The following CNOT2 variants were observed in gnomAD, a reference collection of about 807,000 sequenced individuals.
The protein encoded by CNOT2 is CC chemokine receptor 4-negative regulator of transcription 2.
Under a neutral mutation model 72.1 loss-of-function variants are expected in CNOT2, and 7 were observed. That is an observed-to-expected ratio of 0.10 (90% CI 0.06 to 0.18). The LOEUF (loss-of-function observed/expected upper bound fraction) is 0.18, where lower values mean the gene tolerates loss of function less well. Among genes scored for constraint, CNOT2 ranks in the 10% least tolerant of loss-of-function variants. The pLI, the probability that CNOT2 is intolerant of heterozygous loss-of-function variation, is 1.00. For missense variants in CNOT2, 345 were observed against 660.3 expected (o/e 0.52, Z 5.23); for synonymous variants, 196 against 225.6 (o/e 0.87, Z 1.17).
intron 3 of CNOT2, among the ~76,000 whole-genome samples, chr12:70,312,877 T>TA (rs1472496990): frequency 6.6e-6 from 1 of 151,988 alleles, no homozygotes; most frequent in East Asian, 1.9e-4. Context: ...TTTTTAAAAA[T>TA]ACACTTGAAG....
intron 4 of CNOT2, among the ~76,000 whole-genome samples, chr12:70,324,582 G>T (rs1157298329): frequency 7.2e-6 from 1 of 139,734 alleles, no homozygotes; most frequent in Non-Finnish European, 1.6e-5. Flanking sequence ...TTAGGTTGAG[G>T]AAGTGTAGAG....
chr12:70,317,381 C>A (rs941099936), intron 3 of CNOT2, among the ~76,000 whole-genome samples: 7 of 151,936 alleles, frequency 4.6e-5, no homozygotes, highest in Middle Eastern at 3.2e-3. Context: ...ATTATATATT[C>A]TTGTTCTTGC....
At chr12:70,331,436 T>C (rs1051805964) in intron 6 of CNOT2, 4 of 151,924 alleles carry the variant, frequency 2.6e-5, no homozygotes, top group Admixed American at 2.0e-4. Context: ...ATCATAACTT[T>C]ATCATATCTT....
At chr12:70,312,634 A>T (rs903770890) in intron 3 of CNOT2, among the ~76,000 whole-genome samples, 11 of 151,884 alleles carry the variant, frequency 7.2e-5, no homozygotes, top group African/African-American at 2.2e-4. Context: ...AACCTTTTTT[A>T]AAAAAACATT....
intron 3 of CNOT2, among the ~76,000 whole-genome samples, chr12:70,317,176 A>G (rs1255445699): frequency 6.6e-6 from 1 of 152,130 alleles, no homozygotes; most frequent in Non-Finnish European, 1.5e-5. Flanking sequence ...AGATTTTAAG[A>G]TATCAAGCAT....
chr12:70,352,254 T>TA (rs1565843018), intron 15 of CNOT2, among the ~76,000 whole-genome samples: 5 of 64 alleles, frequency 0.078, no homozygotes, highest in African/African-American at 0.23. Flanking sequence ...TGCCGCTTAC[T>TA]GATGACTTGT....
At chr12:70,262,207 G>A (rs543423359) in intron 1 of CNOT2, among the ~76,000 whole-genome samples, 42 of 150,848 alleles carry the variant, frequency 2.8e-4, no homozygotes, top group Non-Finnish European at 4.4e-4. Context: ...CACTTATATC[G>A]GCTCTCATCT....
At chr12:70,331,214 C>T (rs960420173) in intron 6 of CNOT2, 2 of 151,876 alleles carry the variant, frequency 1.3e-5, no homozygotes, top group Non-Finnish European at 2.9e-5. Context: ...TTGTTATCAT[C>T]ATACCTGTTT....
intron 1 of CNOT2, among the ~76,000 whole-genome samples, chr12:70,275,677 TC>T (rs1159929106): frequency 6.6e-6 from 1 of 152,096 alleles, no homozygotes; most frequent in African/African-American, 2.4e-5. Flanking sequence ...ATTTGTCTTT[TC>T]TGAATTCTTG....
intron 2 of CNOT2, among the ~76,000 whole-genome samples, chr12:70,281,304 C>T (rs777696909): frequency 1.3e-5 from 2 of 152,012 alleles, no homozygotes; most frequent in Non-Finnish European, 2.9e-5. Flanking sequence ...AGGCTGGCCT[C>T]GAACTCCTGA....
In CNOT2 at chr12:70,265,493, A is replaced by AT. The variant is rs1364664258; in HGVS notation, c.-95-12635dup. 2.0e-5 allele frequency among the ~76,000 whole-genome samples: 3 copies of AT among 151,440 alleles called. No individual in the cohort carries two copies. The East Asian group carries it at 5.8e-4, about 29-fold the overall frequency. ...TCCTTTTAATGCCTGTGGGTTCTAT[A>AT]TTTTCTCTTTTATTCCTGATAGTGG... On this transcript the variant is annotated intron_variant, in intron 1 of 15. Transcript: ENST00000229195.
At chr12:70,269,265 C>T (rs1005078327) in intron 1 of CNOT2, among the ~76,000 whole-genome samples, 58 of 150,404 alleles carry the variant, frequency 3.9e-4, no homozygotes, top group African/African-American at 1.3e-3. Context: ...AACTCAATTT[C>T]GCTCTGAAGC....
chr12:70,302,180 A>G (rs1005994967), intron 2 of CNOT2, among the ~76,000 whole-genome samples: 2 of 151,698 alleles, frequency 1.3e-5, no homozygotes, highest in African/African-American at 2.4e-5. Context: ...TGGATTCATT[A>G]ATTTTTTTGA....
At chr12:70,349,539 T>A (rs972972132) in intron 15 of CNOT2, among the ~76,000 whole-genome samples, 1 of 152,168 alleles carries the variant, frequency 6.6e-6, no homozygotes, top group African/African-American at 2.4e-5. Context: ...GTATGAGCAT[T>A]TTTCCCCAAA....
chr12:70,335,685 T>C (rs1211778784), intron 8 of CNOT2, 122 bp downstream of exon 8: 1 of 680,404 alleles, frequency 1.5e-6, no homozygotes, highest in Non-Finnish European at 2.4e-6. Context: ...CATTTTCTAA[T>C]CAGGTTAGTG....
intron 1 of CNOT2, among the ~76,000 whole-genome samples, chr12:70,266,279 A>T (rs966037836): frequency 6.6e-6 from 1 of 151,796 alleles, no homozygotes; most frequent in Non-Finnish European, 1.5e-5. Context: ...ATGCACCACC[A>T]TGCCCAGCTA....
chr12:70,243,168 GCT>G (rs1164232525), upstream of CNOT2: 1 of 152,338 alleles, frequency 6.6e-6, no homozygotes, highest in African/African-American at 2.4e-5. Flanking sequence ...CAGAAGCCCC[GCT>G]CTCTGTAACG....
At chr12:70,327,141 G>A (rs1879196825) in intron 4 of CNOT2, among the ~76,000 whole-genome samples, 2 of 151,848 alleles carry the variant, frequency 1.3e-5, no homozygotes, top group East Asian at 1.9e-4. Context: ...ATTGTTAAAA[G>A]GGGGCCAAAA....
chr12:70,270,289 A>G (rs1412006504), intron 1 of CNOT2, among the ~76,000 whole-genome samples: 1 of 152,174 alleles, frequency 6.6e-6, no homozygotes, highest in Non-Finnish European at 1.5e-5. Flanking sequence ...ATAACACATG[A>G]TAAACTGAAA....
Sources: allele counts gnomAD v4.1 joint callset (sites outside exome capture counted in the v4.1 genomes callset), GRCh38; gene constraint gnomAD v4.1.1; transcripts MANE v1.5; gene names NCBI Gene and HGNC (gene_info 2026-07-23, HGNC 2026-07-21).